Variants in TOM1L2 observed in about 807,000 individuals in gnomAD.
TOM1L2 encodes target of myb1 like 2 membrane trafficking protein, also known as TOM1-like protein 2.
In TOM1L2, 31 loss-of-function variants were observed where a neutral mutation model predicts 67.9. The observed-to-expected ratio is 0.46, with a 90% confidence interval of 0.34 to 0.62. TOM1L2 has a LOEUF of 0.62. TOM1L2 is among the 20% of genes least tolerant of loss of function. The pLI, the probability that TOM1L2 is intolerant of heterozygous loss-of-function variation, is 0.01. For missense variants in TOM1L2, 606 were observed against 663.5 expected, an observed-to-expected ratio of 0.91 and a Z score of 0.95; for synonymous variants, 256 against 254.0, an observed-to-expected ratio of 1.01 and a Z score of -0.07.
intron 1 of TOM1L2, among the ~76,000 whole-genome samples, chr17:17,936,745 G>A (rs1271611556): frequency 6.6e-6 from 1 of 152,092 alleles, no homozygotes; most frequent in East Asian, 1.9e-4. Flanking sequence ...GCACAAAATT[G>A]TACTTACAGC....
At chr17:17,869,675 T>G in intron 7 of TOM1L2, 1 of 1,377,942 alleles carries the variant, frequency 7.3e-7, no homozygotes, top group Non-Finnish European at 9.4e-7. Context: ...CAAGTACTTT[T>G]TCAGCAGACA....
At chr17:17,938,946 A>G (rs577681055) in intron 1 of TOM1L2, among the ~76,000 whole-genome samples, 1 of 152,134 alleles carries the variant, frequency 6.6e-6, no homozygotes, top group Non-Finnish European at 1.5e-5. Flanking sequence ...TGACTTGCCC[A>G]GACACACACA....
rs780360775 is a variant in TOM1L2, at chr17:17,866,885, G to A, written c.951C>T (p.Ala317=). The A allele has an allele frequency of 6.2e-7, 1 of 1,613,884 alleles. No individual in the cohort carries two copies. Among genetic ancestry groups the A allele is most frequent in the Admixed American group, 1.7e-5 (1 of 60,004 alleles). ...RYRSGRSVQN[A]SNGVLNEVTE... The stretch of plus-strand genomic sequence containing the variant: ...CTGAAGGAATACTTACTCCATTACT[G>A]GCATTTTGAACGGATCGGCCAGACC... Residue 317 remains alanine (A), a synonymous_variant, in exon 9 of 15, where the codon GCC becomes GCT. Coordinates refer to ENST00000379504, the MANE Select transcript of TOM1L2 (RefSeq NM_001082968.2).
chr17:17,886,422 C>T (rs1393494752), intron 4 of TOM1L2, among the ~76,000 whole-genome samples: 2 of 152,264 alleles, frequency 1.3e-5, no homozygotes, highest in African/African-American at 4.8e-5. Context: ...GAAGGCCCAG[C>T]TGGAGGAGAG....
At chr17:17,908,139 T>C (rs1489487357) in intron 1 of TOM1L2, among the ~76,000 whole-genome samples, 1 of 152,210 alleles carries the variant, frequency 6.6e-6, no homozygotes, top group African/African-American at 2.4e-5. Context: ...AGGTGTGGTG[T>C]TGGGTGTTTC....
chr17:17,933,465 G>A (rs1278273628), intron 1 of TOM1L2, among the ~76,000 whole-genome samples: 2 of 152,172 alleles, frequency 1.3e-5, no homozygotes, highest in African/African-American at 4.8e-5. Context: ...GGTATTGGGA[G>A]CCTGTGGAAC....
At chr17:17,944,854 C>T (rs758285829) in intron 1 of TOM1L2, among the ~76,000 whole-genome samples, 4 of 152,226 alleles carry the variant, frequency 2.6e-5, no homozygotes, top group Non-Finnish European at 5.9e-5. Context: ...CCAGAGATGT[C>T]TGCCTGATGG....
chr17:17,858,146 G>A (rs563234759), intron 12 of TOM1L2: 9 of 262,086 alleles, frequency 3.4e-5, no homozygotes, highest in South Asian at 1.2e-4. Context: ...TCTCAATTAC[G>A]GCTATCAGGG....
At position 17,850,763 on chromosome 17, in the gene TOM1L2, T is replaced by C. The variant is rs2143501894; in HGVS notation, c.1338+130A>G. 4.1e-6 allele frequency: 4 copies of C among 969,848 alleles called. No homozygotes were observed. The South Asian group carries it at 5.5e-5, about 13-fold the overall frequency. The allele number at this position is 969,848 out of a possible 1,614,324, so 60.1% of individuals were successfully genotyped here. A position where few individuals can be genotyped will look rare whatever the true frequency, so the allele number is the denominator to read the frequency against. ...GGGGAGGAGGGGCAGCTATGGAGCT[T>C]GCCCAGACCTCCCTTCTCCACTGAC... On this transcript the variant is annotated intron_variant, in intron 13 of 14. Transcript: ENST00000379504.
chr17:17,886,043 C>T (rs2037982103), intron 4 of TOM1L2, among the ~76,000 whole-genome samples: 1 of 151,630 alleles, frequency 6.6e-6, no homozygotes, highest in Non-Finnish European at 1.5e-5. Flanking sequence ...ATTCACCATA[C>T]ATACCCAAAG....
intron 6 of TOM1L2, 26 bp from the exon 7 acceptor site, chr17:17,879,769 G>T: frequency 6.3e-7 from 1 of 1,587,364 alleles, no homozygotes; most frequent in Non-Finnish European, 8.7e-7. Flanking sequence ...AGGAAGGAAA[G>T]CAGGAAGGAA....
At chr17:17,898,530 G>T in intron 3 of TOM1L2, 66 bp downstream of exon 3, 2 of 1,545,734 alleles carry the variant, frequency 1.3e-6, no homozygotes, top group South Asian at 1.1e-5. Flanking sequence ...GGCCCTGTGA[G>T]GGGGGCAAGG....
At chr17:17,914,481 T>C (rs938101128) in intron 1 of TOM1L2, among the ~76,000 whole-genome samples, 2 of 152,220 alleles carry the variant, frequency 1.3e-5, no homozygotes, top group African/African-American at 4.8e-5. Flanking sequence ...TTTTACTCTC[T>C]TTCCCACATG....
intron 4 of TOM1L2, among the ~76,000 whole-genome samples, chr17:17,889,206 A>G (rs548678176): frequency 2.8e-4 from 42 of 152,270 alleles, no homozygotes; most frequent in African/African-American, 9.9e-4. Context: ...CAGCCAGAAG[A>G]CAGAAAGCCC....
chr17:17,881,513 T>C (rs888630888), intron 6 of TOM1L2, among the ~76,000 whole-genome samples: 3 of 152,104 alleles, frequency 2.0e-5, no homozygotes, highest in Admixed American at 1.3e-4. Context: ...TTTTCTGCCT[T>C]CCCTCAGAGC....
intron 7 of TOM1L2, among the ~76,000 whole-genome samples, chr17:17,873,309 G>A (rs187390700): frequency 1.5e-4 from 23 of 152,222 alleles, no homozygotes; most frequent in African/African-American, 3.4e-4. Context: ...GCTTTAACAC[G>A]TACTTCCCAT....
At chr17:17,893,259 ACATCCCTTAACAC>A (rs2038384728) in intron 4 of TOM1L2, among the ~76,000 whole-genome samples, 1 of 152,100 alleles carries the variant, frequency 6.6e-6, no homozygotes, top group Non-Finnish European at 1.5e-5. Flanking sequence ...CCTCAGTGAA[ACATCCCTTAACAC>A]CATCCCCAGC....
At position 17,846,388 on chromosome 17, in the gene TOM1L2, AG is replaced by A. The variant is rs2035644276; in HGVS notation, c.*1246del. 6.6e-6 allele frequency: 1 copy of A among 152,450 alleles called. No homozygotes were observed. The highest frequency in any genetic ancestry group is 1.5e-5 in the Non-Finnish European group (1 of 68,190). The allele number at this position is 152,450 out of a possible 1,614,324, so 9.4% of individuals were successfully genotyped here. ...GTGGGGCCAGGTGTCTGGCTGGACC[AG>A]GGCCTGGGATGACCCGAGTCCCTTG... On this transcript the variant is annotated 3_prime_UTR_variant, in exon 15 of 15. Coordinates refer to ENST00000379504, the MANE Select transcript of TOM1L2 (RefSeq NM_001082968.2).
rs781156044 is a variant in TOM1L2, at chr17:17,879,647, A to G, written c.757T>C (p.Ser253Pro). 1.2e-6 allele frequency: 2 copies of G among 1,614,162 alleles called. No individual in the cohort carries two copies. Among genetic ancestry groups the G allele is most frequent in the Admixed American group, 1.7e-5 (1 of 60,030 alleles). Reference sequence around the variant, plus strand: ...CTCACCTGCAGCAACTCCAGATCAGATGAATCCTCCTGTCCAGGGACCATT... The same window carrying G: ...CTCACCTGCAGCAACTCCAGATCAGGTGAATCCTCCTGTCCAGGGACCATT... ...TEMVPGQEDS[S>P]DLELLQELNR... is the part of the protein sequence containing the mutation. The change falls in exon 7 of 15, where the codon TCT (serine) becomes CCT (proline). Residue 253 changes from serine to proline, a missense_variant. By Grantham distance (74) the Ser-to-Pro change is moderately conservative. Transcript: ENST00000379504.
Sources: gnomAD v4.1 joint callset for allele counts (sites outside exome capture counted in the v4.1 genomes callset) on GRCh38, gnomAD v4.1.1 for gene constraint, MANE v1.5 for transcripts, NCBI Gene and HGNC (gene_info 2026-07-23, HGNC 2026-07-21) for gene names.